SNAP91: variants seen among roughly 807,000 people sequenced by gnomAD.
SNAP91 encodes the protein clathrin coat assembly protein AP180.
SNAP91 carries 27 observed loss-of-function variants against 100.3 expected under a neutral mutation model. The observed-to-expected ratio is 0.27, with a 90% CI of 0.20 to 0.37. The LOEUF is 0.37. Ranked by LOEUF, SNAP91 falls within the 10% of genes least tolerant of loss-of-function variation. SNAP91 has a pLI of 1.00. For synonymous variants in SNAP91, 404 were observed against 398.6 expected, an observed-to-expected ratio of 1.01 and a Z score of -0.16; for missense variants, 986 against 1,123.7, an observed-to-expected ratio of 0.88 and a Z score of 1.75.
chr6:83,611,912 G>A (rs1169469819), intron 11 of SNAP91, among the ~76,000 whole-genome samples: 28 of 129,402 alleles, frequency 2.2e-4, no homozygotes, highest in African/African-American at 7.9e-4. Flanking sequence ...TAGTAGAGAC[G>A]GGGTTTCACT....
intron 16 of SNAP91, among the ~76,000 whole-genome samples, chr6:83,600,518 T>C (rs2095061949): frequency 6.6e-6 from 1 of 152,218 alleles, no homozygotes; most frequent in Non-Finnish European, 1.5e-5. Flanking sequence ...GGTGTGGACA[T>C]TGGTACCACA....
chr6:83,563,510 A>G (rs1791674386), intron 26 of SNAP91, among the ~76,000 whole-genome samples: 1 of 152,232 alleles, frequency 6.6e-6, no homozygotes. Flanking sequence ...CAGGGCAGTT[A>G]GCAGGAAAAA....
Position 83,611,281 on chromosome 6 carries a change from T to C in SNAP91, c.885-604A>G, listed in dbSNP as rs551229233. Among the ~76,000 whole-genome samples the C allele has an allele frequency of 5.3e-5, 8 of 152,108 alleles. No homozygotes were observed. The South Asian group carries it at 1.7e-3, about 32-fold the overall frequency. On this transcript the variant is annotated intron_variant, in intron 11 of 29. Coordinates refer to ENST00000369694, the MANE Select transcript of SNAP91 (RefSeq NM_001242792.2). ...ATTCCCATCATCCTGTTATAATTAG[T>C]GGGAGCTAGGAAAAAAACAGCAACT...
Position 83,560,278 on chromosome 6 carries a change from T to C in SNAP91, c.2527-70A>G, listed in dbSNP as rs74409094. The C allele has an allele frequency of 1.1e-3, 1,221 of 1,082,992 alleles. 13 individuals are homozygous for C. In the African/African-American group the frequency reaches 0.017, roughly 15 times the overall value. 67.1% of individuals were successfully genotyped at this position (1,082,992 alleles called of 1,614,324 possible). On this transcript the variant is annotated intron_variant, in intron 27 of 29. Coordinates refer to ENST00000369694, the MANE Select transcript of SNAP91 (RefSeq NM_001242792.2). Reference sequence around the variant, plus strand: ...CACTAGGGCACTATCCTGACATTTATTGCTTTTATGTACTTCTGACAATAT... The same window carrying C: ...CACTAGGGCACTATCCTGACATTTACTGCTTTTATGTACTTCTGACAATAT...
At chr6:83,649,574 T>G (rs1562502349) in intron 7 of SNAP91, among the ~76,000 whole-genome samples, 2 of 152,022 alleles carry the variant, frequency 1.3e-5, no homozygotes, top group Non-Finnish European at 1.5e-5. Context: ...TTCATACCTT[T>G]TTTGTTTGTT....
intron 2 of SNAP91, among the ~76,000 whole-genome samples, chr6:83,683,007 C>T (rs141206196): frequency 6.6e-6 from 1 of 152,192 alleles, no homozygotes; most frequent in East Asian, 1.9e-4. Flanking sequence ...TTCCTAATCT[C>T]CTCCAGGGTC....
At chr6:83,655,627 G>A (rs897804688) in intron 7 of SNAP91, among the ~76,000 whole-genome samples, 2 of 152,080 alleles carry the variant, frequency 1.3e-5, no homozygotes, top group Non-Finnish European at 2.9e-5. Context: ...CTTAAATTTT[G>A]ACCAAAGAAC....
chr6:83,641,170 T>A lies in SNAP91; in HGVS notation c.691A>T (p.Lys231Ter). ...CGTTTGTAAATTTCTAGAGCATCTT[T>A]ACATTGTCCTTTCTTCATTTCAAAA... The part of the protein sequence containing the change: ...KFFEMKKGQC[K>*]DALEIYKRFL... Residue 231 changes from lysine to a stop codon, truncating the protein, a stop_gained, in exon 8 of 30, where the codon AAA becomes TAA. Coordinates refer to ENST00000369694, the MANE Select transcript of SNAP91 (RefSeq NM_001242792.2). LOFTEE classifies it high-confidence loss of function. The A allele has an allele frequency of 6.6e-7, 1 of 1,515,798 alleles. No individual in the cohort carries two copies. Among genetic ancestry groups the A allele is most frequent in the Non-Finnish European group, 8.8e-7 (1 of 1,132,720 alleles). The allele number at this position is 1,515,798 out of a possible 1,614,324, so 93.9% of individuals were successfully genotyped here. A position where few individuals can be genotyped will look rare whatever the true frequency, so the allele number is the denominator to read the frequency against.
chr6:83,586,950 G>T (rs563849612), intron 22 of SNAP91, among the ~76,000 whole-genome samples: 1 of 151,914 alleles, frequency 6.6e-6, no homozygotes, highest in Non-Finnish European at 1.5e-5. Context: ...TTACTCAAGG[G>T]GTAGAAGACG....
At chr6:83,665,649 A>G in intron 2 of SNAP91, 68 bp from the exon 3 acceptor site, 1 of 1,429,172 alleles carries the variant, frequency 7.0e-7, no homozygotes, top group Non-Finnish European at 9.6e-7. Flanking sequence ...TCAAACTTGG[A>G]ACATATAAGC....
intron 26 of SNAP91, among the ~76,000 whole-genome samples, chr6:83,565,245 T>A (rs1288181638): frequency 1.3e-5 from 2 of 151,958 alleles, no homozygotes; most frequent in Admixed American, 6.6e-5. Flanking sequence ...ATATTTCTCC[T>A]CCCCTCTCTA....
rs1244133510 is a variant in SNAP91 at position 83,607,764 on chromosome 6, A to C, written c.957T>G (p.Ala319=). Residue 319 remains alanine, a synonymous_variant, in exon 13 of 30, where the codon GCT becomes GCG. Coordinates refer to ENST00000369694, the MANE Select transcript of SNAP91 (RefSeq NM_001242792.2). ...CCGGTGGGGATGTGTCAATAGTTTT[A>C]GCTGGTGTAGAATTAGGAGACGTAA... The part of the protein sequence containing the change: ...TTVTSPNSTP[A]KTIDTSPPVD... 6.3e-7 allele frequency: 1 copy of C among 1,595,262 alleles called. No individual in the cohort carries two copies. The highest frequency in any genetic ancestry group is 1.3e-5 in the African/African-American group (1 of 74,610).
At chr6:83,660,741 A>T (rs2098525701) in intron 5 of SNAP91, among the ~76,000 whole-genome samples, 1 of 149,232 alleles carries the variant, frequency 6.7e-6, no homozygotes, top group African/African-American at 2.5e-5. Flanking sequence ...CACCTCAATT[A>T]AAAAAAAAAT....
intron 8 of SNAP91, among the ~76,000 whole-genome samples, chr6:83,635,376 ATC>A (rs2097392474): frequency 6.6e-6 from 1 of 152,068 alleles, no homozygotes; most frequent in Non-Finnish European, 1.5e-5. Flanking sequence ...CTAATCTCTC[ATC>A]TCTGGCTGAA....
At chr6:83,665,380 C>G in intron 3 of SNAP91, 59 bp downstream of exon 3, 9 of 1,527,096 alleles carry the variant, frequency 5.9e-6, no homozygotes, top group Non-Finnish European at 8.0e-6. Flanking sequence ...AAATCATCAC[C>G]ATGCTCTTCC....
At chr6:83,559,335 G>A (rs1359163599) in intron 28 of SNAP91, among the ~76,000 whole-genome samples, 1 of 152,150 alleles carries the variant, frequency 6.6e-6, no homozygotes, top group African/African-American at 2.4e-5. Context: ...GGATGCTGAA[G>A]CTCAGGTGAG....
At chr6:83,573,117 T>C (rs535153760) in intron 26 of SNAP91, among the ~76,000 whole-genome samples, 2 of 152,288 alleles carry the variant, frequency 1.3e-5, no homozygotes, top group African/African-American at 4.8e-5. Context: ...TGAGGGGCCT[T>C]AGATTTTTGT....
chr6:83,593,473 A>T lies in SNAP91; in HGVS notation c.1696+5T>A, dbSNP rs2094078907. 6.5e-7 allele frequency: 1 copy of T among 1,549,280 alleles called. No homozygotes were observed. Among genetic ancestry groups the T allele is most frequent in the African/African-American group, 1.4e-5 (1 of 73,036 alleles). On this transcript the variant is annotated splice_donor_5th_base_variant and intron_variant, in intron 18 of 29. Coordinates refer to ENST00000369694, the MANE Select transcript of SNAP91 (RefSeq NM_001242792.2). ...AAGAGGTCGACAACAATAACAAAAA[A>T]TTACCACCAAAGATATCTAGAGCAG...
intron 8 of SNAP91, among the ~76,000 whole-genome samples, chr6:83,627,945 C>T (rs2097021084): frequency 6.6e-6 from 1 of 151,580 alleles, no homozygotes; most frequent in African/African-American, 2.4e-5. Flanking sequence ...GATTCTGGAG[C>T]ACCCATCACC....
Sources: gnomAD v4.1 joint callset for allele counts (sites outside exome capture counted in the v4.1 genomes callset) on GRCh38, gnomAD v4.1.1 for gene constraint, MANE v1.5 for transcripts, NCBI Gene and HGNC (gene_info 2026-07-23, HGNC 2026-07-21) for gene names.